Variants in CALN1 observed in about 807,000 individuals in gnomAD.
The protein encoded by CALN1 is calcium-binding protein 8.
CALN1 carries 17 observed loss-of-function variants against 30.6 expected under a neutral mutation model. The observed-to-expected ratio is 0.56, with a 90% CI of 0.38 to 0.83. The LOEUF (loss-of-function observed/expected upper bound fraction) is 0.83. Among genes scored for constraint, CALN1 ranks in the 40% least tolerant of loss-of-function variants. The pLI is 0.00. For synonymous variants in CALN1, 156 were observed against 131.4 expected, an observed-to-expected ratio of 1.19 and a Z score of -1.28; for missense variants, 291 against 354.9, an observed-to-expected ratio of 0.82 and a Z score of 1.45.
intron 4 of CALN1, among the ~76,000 whole-genome samples, chr7:72,024,462 G>C (rs1183515280): frequency 2.0e-5 from 3 of 152,108 alleles, no homozygotes; most frequent in African/African-American, 7.2e-5. Flanking sequence ...GCAATGGCGT[G>C]ATCTCGGCTC....
At chr7:72,370,572 T>C (rs1243540277) in intron 2 of CALN1, among the ~76,000 whole-genome samples, 1 of 149,736 alleles carries the variant, frequency 6.7e-6, no homozygotes, top group Non-Finnish European at 1.5e-5. Flanking sequence ...GAGAACGGTG[T>C]GAACCCGGGA....
chr7:72,244,841 T>G (rs1370135042), intron 3 of CALN1, among the ~76,000 whole-genome samples: 1 of 152,152 alleles, frequency 6.6e-6, no homozygotes, highest in Non-Finnish European at 1.5e-5. Flanking sequence ...CTTACATAAC[T>G]TGGTGCTCAA....
intron 6 of CALN1, among the ~76,000 whole-genome samples, chr7:71,798,117 CAGAGACAGAGAGAGAGAGAGAGAGAGAG>C (rs1787059201): frequency 1.9e-3 from 121 of 62,308 alleles, no homozygotes; most frequent in African/African-American, 7.8e-3. Context: ...GAGACAGAGA[CAGAGACAGAGAGAGAGAGAGAGAGAGAG>C]AGAGAGAGAG....
chr7:72,272,059 C>CAAAA (rs36004477), intron 3 of CALN1, among the ~76,000 whole-genome samples: 1 of 120,920 alleles, frequency 8.3e-6, no homozygotes. Context: ...AAGATTCTGT[C>CAAAA]AAAAAAAAAA....
chr7:72,436,764 C>T (rs1808172590), intron 1 of CALN1, among the ~76,000 whole-genome samples: 1 of 152,138 alleles, frequency 6.6e-6, no homozygotes, highest in African/African-American at 2.4e-5. Context: ...CTCAGCATCA[C>T]CTGGGAAAGC....
At chr7:72,397,078 T>A (rs1310016942) in intron 2 of CALN1, among the ~76,000 whole-genome samples, 1 of 151,804 alleles carries the variant, frequency 6.6e-6, no homozygotes, top group Non-Finnish European at 1.5e-5. Flanking sequence ...GCCTGGTTAA[T>A]TTTTTTTAGT....
intron 5 of CALN1, among the ~76,000 whole-genome samples, chr7:71,934,876 G>T (rs576889769): frequency 1.3e-4 from 20 of 152,298 alleles, no homozygotes; most frequent in African/African-American, 3.8e-4. Flanking sequence ...AGAAGAGAGA[G>T]AACTTGTGCA....
rs184099443 is a variant in CALN1, at chr7:72,195,979, G to C, written c.244+82707C>G. 2.6e-5 allele frequency among the ~76,000 whole-genome samples: 4 copies of C among 152,254 alleles called. No homozygotes were observed. In the East Asian group the frequency reaches 7.7e-4, roughly 29 times the overall value. On this transcript the variant is annotated intron_variant, in intron 3 of 6. Transcript: ENST00000395275. Reference sequence around the variant, plus strand: ...CATTACACTCAATGAAAGAATATTTGATATTATTCCATTTATATGAAATGT... The same window carrying C: ...CATTACACTCAATGAAAGAATATTTCATATTATTCCATTTATATGAAATGT...
intron 5 of CALN1, among the ~76,000 whole-genome samples, chr7:71,898,594 TA>T (rs752638319): frequency 2.6e-5 from 4 of 151,922 alleles, no homozygotes; most frequent in Non-Finnish European, 5.9e-5. Flanking sequence ...GCTTAAAGGC[TA>T]AAATATACAA....
chr7:71,943,693 C>T (rs73187016), intron 5 of CALN1, among the ~76,000 whole-genome samples: 577 of 152,242 alleles, frequency 3.8e-3, no homozygotes, highest in Non-Finnish European at 4.8e-3. Context: ...TCACCCACCT[C>T]GGACTCCCAA....
intron 4 of CALN1, among the ~76,000 whole-genome samples, chr7:72,087,123 C>A (rs1805532928): frequency 6.6e-6 from 1 of 152,168 alleles, no homozygotes; most frequent in African/African-American, 2.4e-5. Context: ...CTCTGGGGAA[C>A]AGTACTATTA....
chr7:71,986,759 G>A (rs1278671631), intron 5 of CALN1, among the ~76,000 whole-genome samples: 1 of 152,134 alleles, frequency 6.6e-6, no homozygotes, highest in Non-Finnish European at 1.5e-5. Context: ...TTCAGTACAG[G>A]TGATTTGTTA....
At chr7:72,164,403 G>A (rs1419414872) in intron 3 of CALN1, among the ~76,000 whole-genome samples, 13 of 150,562 alleles carry the variant, frequency 8.6e-5, no homozygotes, top group East Asian at 1.9e-4. Flanking sequence ...TAGGAAGAAC[G>A]CCATGTGATA....
intron 2 of CALN1, among the ~76,000 whole-genome samples, chr7:72,397,742 A>G (rs1264819610): frequency 6.6e-6 from 1 of 151,318 alleles, no homozygotes; most frequent in Non-Finnish European, 1.5e-5. Flanking sequence ...ACACACACAC[A>G]CACACACACC....
intron 5 of CALN1, among the ~76,000 whole-genome samples, chr7:71,895,969 C>T (rs1371086470): frequency 6.6e-6 from 1 of 152,302 alleles, no homozygotes; most frequent in South Asian, 2.1e-4. Flanking sequence ...ACACTGGCCA[C>T]AGAAGTATCT....
At chr7:72,139,395 C>A (rs933222574) in intron 3 of CALN1, among the ~76,000 whole-genome samples, 1 of 149,868 alleles carries the variant, frequency 6.7e-6, no homozygotes, top group Non-Finnish European at 1.5e-5. Flanking sequence ...GCCACGCCCA[C>A]CCTCTTCTAA....
At chr7:72,385,868 T>G (rs142846232) in intron 2 of CALN1, among the ~76,000 whole-genome samples, 130 of 152,344 alleles carry the variant, frequency 8.5e-4, no homozygotes, top group African/African-American at 3.0e-3. Context: ...TCCCTGACCA[T>G]GCAAAACTGT....
At chr7:72,321,778 TTC>T (rs1241319045) in intron 2 of CALN1, among the ~76,000 whole-genome samples, 1 of 152,202 alleles carries the variant, frequency 6.6e-6, no homozygotes, top group African/African-American at 2.4e-5. Flanking sequence ...TGTCTCCTGA[TTC>T]TCCCTTACCA....
At chr7:72,467,214 T>C in the CALN1 span, among the ~76,000 whole-genome samples, 2 of 152,166 alleles carry the variant, frequency 1.3e-5, no homozygotes, top group Admixed American at 1.3e-4. Flanking sequence ...TTTACCTGCG[T>C]TCCTGGGCAG....
Sources: gnomAD v4.1 joint callset for allele counts (sites outside exome capture counted in the v4.1 genomes callset) on GRCh38, gnomAD v4.1.1 for gene constraint, MANE v1.5 for transcripts, NCBI Gene and HGNC (gene_info 2026-07-23, HGNC 2026-07-21) for gene names.